The following PLRG1 variants were observed in gnomAD, a reference collection of about 807,000 sequenced individuals.
The protein encoded by PLRG1 is pleiotropic regulator 1.
Under a neutral mutation model 74.9 loss-of-function variants are expected in PLRG1, and 28 were observed. That is an observed-to-expected ratio of 0.37 (90% CI 0.28 to 0.51). PLRG1 has a LOEUF of 0.51. PLRG1 is among the 20% of genes least tolerant of loss of function. PLRG1 has a pLI of 0.91. For missense variants in PLRG1, 445 were observed against 631.9 expected (o/e 0.70, Z 3.17); for synonymous variants, 197 against 212.4 (o/e 0.93, Z 0.63).
At chr4:154,539,679 T>C (rs1031726245) in intron 11 of PLRG1, among the ~76,000 whole-genome samples, 8 of 152,102 alleles carry the variant, frequency 5.3e-5, no homozygotes, top group Non-Finnish European at 1.0e-4. Context: ...ATTTTGACAC[T>C]ATAAAATAAT....
chr4:154,547,617 A>T, intron 3 of PLRG1, 94 bp downstream of exon 3: 2 of 1,119,254 alleles, frequency 1.8e-6, no homozygotes, highest in Non-Finnish European at 2.7e-6. Flanking sequence ...CGACCACAAT[A>T]AGTCCTGCCA....
In PLRG1 at chr4:154,537,342, A is replaced by G; in HGVS notation, c.1429T>C (p.Leu477=). Residue 477 remains leucine, a synonymous_variant, in exon 14 of 15, where the codon TTA becomes CTA. Transcript: ENST00000499023. ...ACAFDQSESR[L]LTAEADKTIK... is the part of the protein sequence containing the mutation. ...GTTTTATCAGCTTCAGCTGTTAGTA[A>G]TCGACTTTCAGACTGATCAAAAGCA... is the stretch of plus-strand genomic sequence containing the variant. 1 of 1,613,198 alleles carries G rather than the reference A, an allele frequency of 6.2e-7. No homozygotes were observed. The highest frequency in any genetic ancestry group is 1.1e-5 in the South Asian group (1 of 91,046).
chr4:154,548,777 A>C, intron 2 of PLRG1, 52 bp downstream of exon 2: 8 of 895,472 alleles, frequency 8.9e-6, no homozygotes, highest in Middle Eastern at 2.2e-4. Flanking sequence ...CTCTTCCCCT[A>C]GTATTAGAAT....
rs879664145 is a variant in PLRG1 at position 154,535,812 on chromosome 4, A to C, written c.*873T>G. 1.3e-5 allele frequency: 2 copies of C among 152,246 alleles called. No individual in the cohort carries two copies. Among genetic ancestry groups the C allele is most frequent in the Middle Eastern group, 6.8e-3 (2 of 294 alleles). The allele number at this position is 152,246 out of a possible 1,614,324, so 9.4% of individuals were successfully genotyped here. A position where few individuals can be genotyped will look rare whatever the true frequency, so the allele number is the denominator to read the frequency against. On this transcript the variant is annotated 3_prime_UTR_variant, in exon 15 of 15. Coordinates refer to ENST00000499023, the MANE Select transcript of PLRG1 (RefSeq NM_002669.4). ...TCTCCAGTTATTTTCCCCAAGTTTC[A>C]ATACCAGTATTGGTATCCTACTAGT...
chr4:154,546,116 T>G lies in PLRG1; in HGVS notation c.404+7A>C, dbSNP rs773836970. On this transcript the variant is annotated splice_region_variant and intron_variant, in intron 5 of 14. Coordinates refer to ENST00000499023, the MANE Select transcript of PLRG1 (RefSeq NM_002669.4). ...TTTAAGATCTTTGTAATTATAATAT[T>G]TCATACTTGGTCTGCAAAGGTAATG... The G allele has an allele frequency of 6.7e-7, 1 of 1,497,222 alleles. No individual in the cohort carries two copies. Among genetic ancestry groups the G allele is most frequent in the Non-Finnish European group, 9.3e-7 (1 of 1,080,396 alleles). The allele number at this position is 1,497,222 out of a possible 1,614,324, so 92.7% of individuals were successfully genotyped here.
intron 1 of PLRG1, chr4:154,549,875 A>G: frequency 2.4e-6 from 1 of 418,022 alleles, no homozygotes; most frequent in Non-Finnish European, 4.7e-6. Context: ...GGAAAGATGT[A>G]AAGAACGGCA....
chr4:154,547,411 T>C (rs1256375544), intron 3 of PLRG1: 2 of 509,102 alleles, frequency 3.9e-6, no homozygotes, highest in African/African-American at 1.9e-5. Flanking sequence ...ACAGACAAGA[T>C]AGATGGTGTC....
intron 1 of PLRG1, chr4:154,549,820 G>A (rs780431995): frequency 1.8e-5 from 8 of 456,280 alleles, no homozygotes; most frequent in South Asian, 9.3e-5. Flanking sequence ...AACATGTGGG[G>A]TAAGATGGAC....
At chr4:154,546,854 A>G in intron 4 of PLRG1, 157 bp downstream of exon 4, 2 of 645,590 alleles carry the variant, frequency 3.1e-6, no homozygotes, top group Admixed American at 5.3e-5. Flanking sequence ...GAATGAAGGC[A>G]TATGAGTATT....
chr4:154,542,757 T>C (rs1384729338), intron 7 of PLRG1, among the ~76,000 whole-genome samples: 1 of 152,194 alleles, frequency 6.6e-6, no homozygotes, highest in African/African-American at 2.4e-5. Context: ...TGGAAGATAC[T>C]ATGTTAAGTG....
chr4:154,546,958 G>T, intron 4 of PLRG1, 53 bp downstream of exon 4: 3 of 1,310,090 alleles, frequency 2.3e-6, no homozygotes, highest in East Asian at 2.3e-5. Flanking sequence ...GCTCGTTAGT[G>T]AAAATATATG....
In PLRG1 at chr4:154,536,653, A is replaced by G. The variant is rs1451213169; in HGVS notation, c.*32T>C. The G allele has an allele frequency of 2.5e-6, 3 of 1,205,818 alleles. No individual in the cohort carries two copies. The Admixed American group carries it at 6.2e-5, about 25-fold the overall frequency. 74.7% of individuals were successfully genotyped at this position (1,205,818 alleles called of 1,614,324 possible). ...GCTTTTTTTTTTTTAATTAAAAAGA[A>G]AAAAAAAGAGAGAGAAAAAATTCCA... On this transcript the variant is annotated 3_prime_UTR_variant, in exon 15 of 15. Transcript: ENST00000499023.
intron 1 of PLRG1, chr4:154,549,664 G>A (rs775233745): frequency 6.8e-5 from 31 of 456,078 alleles, no homozygotes; most frequent in South Asian, 4.6e-4. Flanking sequence ...AACAACTTAC[G>A]TTTTAAACAG....
intron 1 of PLRG1, 29 bp from the exon 2 acceptor site, chr4:154,548,964 T>C (rs767266354): frequency 8.5e-7 from 1 of 1,179,460 alleles, no homozygotes; most frequent in Non-Finnish European, 1.3e-6. Context: ...ATTACACACC[T>C]ATCTACAAAT....
intron 6 of PLRG1, among the ~76,000 whole-genome samples, chr4:154,544,943 T>C (rs946235947): frequency 1.6e-4 from 24 of 152,242 alleles, no homozygotes; most frequent in African/African-American, 4.8e-4. Context: ...AGTGTATTAG[T>C]GCCACTGTCT....
At chr4:154,549,625 A>G in intron 1 of PLRG1, 1 of 455,032 alleles carries the variant, frequency 2.2e-6, no homozygotes, top group South Asian at 1.6e-5. Context: ...ACATAGGGTC[A>G]GTAAAGGGTT....
chr4:154,544,947 ACTGT>A (rs1729622295), intron 6 of PLRG1, among the ~76,000 whole-genome samples: 1 of 152,236 alleles, frequency 6.6e-6, no homozygotes, highest in Non-Finnish European at 1.5e-5. Context: ...TATTAGTGCC[ACTGT>A]CTTTCATTGT....
At chr4:154,545,809 C>G in intron 6 of PLRG1, 27 bp downstream of exon 6, 1 of 1,382,122 alleles carries the variant, frequency 7.2e-7, no homozygotes, top group Non-Finnish European at 1.0e-6. Context: ...AAGTTAGAAA[C>G]CTGCTATTTG....
rs201963131 is a variant in PLRG1 at position 154,547,828 on chromosome 4, G to C, written c.142C>G (p.Leu48Val). ...ESHKRKMAIK[L>V]RNEYGPVLHM... Reference sequence around the variant, plus strand: ...AACACAGGACCATACTCATTACGAAGCTTGATTGCCATTTTTCGTTTGTGA... The same window carrying C: ...AACACAGGACCATACTCATTACGAACCTTGATTGCCATTTTTCGTTTGTGA... Residue 48 changes from leucine (L) to valine (V), a missense_variant, in exon 3 of 15, where the codon CTT (leucine) becomes GTT (valine). Around this residue, in one of 3 missense-constraint regions of PLRG1, gnomAD observed 206 missense variants for 210.8 expected, o/e 0.98. Coordinates refer to ENST00000499023, the MANE Select transcript of PLRG1 (RefSeq NM_002669.4). 222 of 1,608,028 alleles carry C rather than the reference G, an allele frequency of 1.4e-4. No homozygotes were observed. The highest frequency in any genetic ancestry group is 1.8e-4 in the Non-Finnish European group (213 of 1,177,032).
Sources: allele counts gnomAD v4.1 joint callset (sites outside exome capture counted in the v4.1 genomes callset), GRCh38; gene constraint gnomAD v4.1.1; regional missense constraint gnomAD v4.1.1; transcripts MANE v1.5; gene names NCBI Gene and HGNC (gene_info 2026-07-23, HGNC 2026-07-21).